Variants in SLC35B2 observed in about 807,000 individuals in gnomAD.
The protein encoded by SLC35B2 is solute carrier family 35 member B2, also known as adenosine 3'-phospho 5'-phosphosulfate transporter 1.
A neutral mutation model predicts 37.9 loss-of-function variants in SLC35B2; 19 were observed. That is an observed-to-expected ratio of 0.50 (90% CI 0.35 to 0.74). The LOEUF (loss-of-function observed/expected upper bound fraction) is 0.74, where lower values mean the gene tolerates loss of function less well. SLC35B2 is among the 30% of genes least tolerant of loss of function. SLC35B2 has a pLI of 0.01. For missense variants in SLC35B2, 633 were observed against 547.6 expected (o/e 1.16, Z -1.56); for synonymous variants, 277 against 225.2 (o/e 1.23, Z -2.06).
In SLC35B2 at chr6:44,257,389, C is replaced by A; in HGVS notation, c.11+11G>T. ...TCGGTCACGTGAGCTCGCTGCTGCC[C>A]TAGCCCCCACCTGGCGTCCATGGTC... On this transcript the variant is annotated intron_variant, in intron 1 of 3. Coordinates refer to ENST00000393812, the MANE Select transcript of SLC35B2 (RefSeq NM_178148.4). 7.8e-7 allele frequency: 1 copy of A among 1,285,516 alleles called. No individual in the cohort carries two copies. The highest frequency in any genetic ancestry group is 9.9e-7 in the Non-Finnish European group (1 of 1,009,090). The allele number at this position is 1,285,516 out of a possible 1,614,324, so 79.6% of individuals were successfully genotyped here. A position where few individuals can be genotyped will look rare whatever the true frequency, so the allele number is the denominator to read the frequency against.
At position 44,256,358 on chromosome 6, in the gene SLC35B2, CAGA is replaced by C; in HGVS notation, c.341_343del (p.Phe114del). 6.2e-7 allele frequency: 1 copy of C among 1,613,210 alleles called. No homozygotes were observed. Among genetic ancestry groups the C allele is most frequent in the Non-Finnish European group, 8.5e-7 (1 of 1,179,634 alleles). On this transcript the variant is annotated inframe_deletion, in exon 3 of 4. Transcript: ENST00000393812. ...CCTACCCACCTGGAGCCCTGTGGCACAGAAGAGCAGCTTCAGGGCCTGCCACAT... is the reference window on the plus strand; with the variant it reads ...CCTACCCACCTGGAGCCCTGTGGCACAGAGCAGCTTCAGGGCCTGCCACAT...
At chr6:44,257,314 AC>A (rs1386022379) in intron 1 of SLC35B2, 85 bp downstream of exon 1, 7 of 1,282,440 alleles carry the variant, frequency 5.5e-6, no homozygotes, top group Non-Finnish European at 6.0e-6. Context: ...AGCAGCCGGG[AC>A]CCCACCCGGC....
intron 1 of SLC35B2, 146 bp downstream of exon 1, chr6:44,257,254 C>T (rs520639): frequency 0.12 from 113,061 of 938,630 alleles, 7,457 homozygotes; most frequent in Middle Eastern, 0.18. Flanking sequence ...AACCAAGCCG[C>T]AGCTCCCATC....
chr6:44,255,653 G>T lies in SLC35B2; in HGVS notation c.361-9C>A, dbSNP rs1413559803. On this transcript the variant is annotated splice_polypyrimidine_tract_variant and intron_variant, in intron 3 of 3. Transcript: ENST00000393812. ...CAAGTCAGATAAGACACCTGTTGGG[G>T]AAGGTAGAGACAAAGGAGACAATAA... The T allele has an allele frequency of 6.2e-7, 1 of 1,605,516 alleles. No individual in the cohort carries two copies. The highest frequency in any genetic ancestry group is 1.7e-5 in the Admixed American group (1 of 59,360).
rs1781559560 is a variant in SLC35B2, at chr6:44,256,799, A to G, written c.91T>C (p.Trp31Arg). 6 of 1,614,076 alleles carry G rather than the reference A, an allele frequency of 3.7e-6. No homozygotes were observed. The highest frequency in any genetic ancestry group is 5.1e-6 in the Non-Finnish European group (6 of 1,180,022). The change falls in exon 2 of 4, where the codon TGG becomes CGG. Residue 31 changes from tryptophan (W) to arginine (R), a missense_variant. Coordinates refer to ENST00000393812, the MANE Select transcript of SLC35B2 (RefSeq NM_178148.4). Reference sequence around the variant, plus strand: ...AATCGGAAGAACCATAGCTGGGTCCATGACTCCGGAGGGGCTTCGGGAGTC... The same window carrying G: ...AATCGGAAGAACCATAGCTGGGTCCGTGACTCCGGAGGGGCTTCGGGAGTC... ...GETPEAPPES[W>R]TQLWFFRFVV...
intron 1 of SLC35B2, 181 bp downstream of exon 1, chr6:44,257,219 G>T: frequency 3.1e-6 from 2 of 653,692 alleles, no homozygotes; most frequent in Non-Finnish European, 4.5e-6. Context: ...CAGCCCCTCC[G>T]CCCGAAGCTC....
chr6:44,257,538 T>C (rs1781705281), upstream of SLC35B2: 2 of 912,628 alleles, frequency 2.2e-6, no homozygotes, highest in Admixed American at 9.2e-5. Context: ...TGCCGCGCTC[T>C]TCCCGCCTCC....
Position 44,254,403 on chromosome 6 carries a change from G to A in SLC35B2, c.*303C>T, listed in dbSNP as rs1002161394. 3 of 310,898 alleles carry A rather than the reference G, an allele frequency of 9.6e-6. No homozygotes were observed. Among genetic ancestry groups the A allele is most frequent in the African/African-American group, 2.9e-5 (1 of 34,330 alleles). The allele number at this position is 310,898 out of a possible 1,614,324, so 19.3% of individuals were successfully genotyped here. On this transcript the variant is annotated 3_prime_UTR_variant, in exon 4 of 4. Coordinates refer to ENST00000393812, the MANE Select transcript of SLC35B2 (RefSeq NM_178148.4). ...AGAGCACAGCTAGGGCAAGACTTAA[G>A]GGAACTTGTGGGAAGAGTAACTGGA...
At position 44,254,132 on chromosome 6, in the gene SLC35B2, A is replaced by G. The variant is rs1781089040; in HGVS notation, c.*574T>C. The G allele has an allele frequency of 4.6e-6, 1 of 217,468 alleles. No individual in the cohort carries two copies. The highest frequency in any genetic ancestry group is 2.4e-5 in the African/African-American group (1 of 42,470). 13.5% of individuals were successfully genotyped at this position (217,468 alleles called of 1,614,324 possible). A position where few individuals can be genotyped will look rare whatever the true frequency, so the allele number is the denominator to read the frequency against. ...GCAGTAATTTAATTTAATAAAATAA[A>G]ATTATAAGAGCAAAAAGTTACATTT... On this transcript the variant is annotated 3_prime_UTR_variant, in exon 4 of 4. Coordinates refer to ENST00000393812, the MANE Select transcript of SLC35B2 (RefSeq NM_178148.4).
chr6:44,256,079 G>T (rs560450405), intron 3 of SLC35B2, among the ~76,000 whole-genome samples: 1 of 139,090 alleles, frequency 7.2e-6, no homozygotes, highest in African/African-American at 2.7e-5. Context: ...CAGAGAATAG[G>T]GCAAGAGGAG....
Position 44,257,065 on chromosome 6 carries a change from G to T in SLC35B2, c.12-187C>A. 5.8e-6 allele frequency: 4 copies of T among 691,620 alleles called. No individual in the cohort carries two copies. In the South Asian group the frequency reaches 8.8e-5, roughly 15 times the overall value. 42.8% of individuals were successfully genotyped at this position (691,620 alleles called of 1,614,324 possible). A position where few individuals can be genotyped will look rare whatever the true frequency, so the allele number is the denominator to read the frequency against. On this transcript the variant is annotated intron_variant, in intron 1 of 3. Transcript: ENST00000393812. ...GGGGTGCGCCGGCGCTGGCCAGGCA[G>T]AGCTTCCTCCCTCCCCGGGGGCGGA...
chr6:44,254,846 C>T lies in SLC35B2; in HGVS notation c.1159G>A (p.Gly387Ser), dbSNP rs1479205432. Residue 387 changes from glycine (G) to serine (S), a missense_variant, in exon 4 of 4, where the codon GGC becomes AGC. Gly to Ser is a moderately conservative substitution (Grantham distance 56). Coordinates refer to ENST00000393812, the MANE Select transcript of SLC35B2 (RefSeq NM_178148.4). ...FAILLSCLLY[G>S]HTVTVVGGLG... ...CCTCCCACCACAGTGACAGTGTGGC[C>T]ATAGAGAAGGCAGGAAAGAAGGATG... The T allele has an allele frequency of 3.1e-6, 5 of 1,614,132 alleles. No homozygotes were observed. Among genetic ancestry groups the T allele is most frequent in the African/African-American group, 1.3e-5 (1 of 75,008 alleles).
Position 44,254,488 on chromosome 6 carries a change from C to T in SLC35B2, c.*218G>A. 3.5e-6 allele frequency: 2 copies of T among 571,050 alleles called. No homozygotes were observed. The highest frequency in any genetic ancestry group is 6.1e-6 in the Non-Finnish European group (2 of 325,280). The allele number at this position is 571,050 out of a possible 1,614,324, so 35.4% of individuals were successfully genotyped here. ...AAACCCCTCACTGAGGACTGTCTAC[C>T]CCCGGGGCTCAGAATAAACTGCTTA... On this transcript the variant is annotated 3_prime_UTR_variant, in exon 4 of 4. Transcript: ENST00000393812.
In SLC35B2 at chr6:44,256,669, C is replaced by G; in HGVS notation, c.205+16G>C. On this transcript the variant is annotated intron_variant, in intron 2 of 3. Transcript: ENST00000393812. The stretch of plus-strand genomic sequence containing the variant: ...TTTCCCGACCTAGCTCACTTCCCCG[C>G]CCTTTCTTCACACACCGGTCTCCAG... 1.2e-6 allele frequency: 2 copies of G among 1,613,974 alleles called. No individual in the cohort carries two copies. Among genetic ancestry groups the G allele is most frequent in the Non-Finnish European group, 1.7e-6 (2 of 1,179,942 alleles).
Position 44,257,407 on chromosome 6 carries a change from C to A in SLC35B2, c.4G>T (p.Asp2Tyr). The change falls in exon 1 of 4, where the codon GAC becomes TAC. Residue 2 changes from aspartate (D) to tyrosine (Y), a missense_variant. By Grantham distance (160) the Asp-to-Tyr change is radical. Coordinates refer to ENST00000393812, the MANE Select transcript of SLC35B2 (RefSeq NM_178148.4). The part of the protein sequence containing the change: M[D>Y]ARWWAVVVLA... ...TGCTGCCCTAGCCCCCACCTGGCGT[C>A]CATGGTCCAGGCCGCGTGGGGTGGA... 7.8e-7 allele frequency: 1 copy of A among 1,274,440 alleles called. No homozygotes were observed. Among genetic ancestry groups the A allele is most frequent in the African/African-American group, 1.5e-5 (1 of 65,036 alleles). 78.9% of individuals were successfully genotyped at this position (1,274,440 alleles called of 1,614,324 possible).
In SLC35B2 at chr6:44,255,144, G is replaced by A; in HGVS notation, c.861C>T (p.Asn287=). Residue 287 remains asparagine (N), a synonymous_variant, in exon 4 of 4, where the codon AAC becomes AAT. Coordinates refer to ENST00000393812, the MANE Select transcript of SLC35B2 (RefSeq NM_178148.4). ...TATAGGCAAACAGGGCATCCTGCCA[G>A]TTTGAGGTGAAGCTGTCAAAAGCAA... ...GYIAFDSFTS[N]WQDALFAYKM... is the part of the protein sequence containing the mutation. 6.2e-7 allele frequency: 1 copy of A among 1,614,244 alleles called. No individual in the cohort carries two copies. Among genetic ancestry groups the A allele is most frequent in the South Asian group, 1.1e-5 (1 of 91,092 alleles).
intron 3 of SLC35B2, 24 bp from the exon 4 acceptor site, chr6:44,255,668 G>A: frequency 6.3e-7 from 1 of 1,590,804 alleles, no homozygotes; most frequent in Non-Finnish European, 8.6e-7. Flanking sequence ...TAGAGACAAA[G>A]GAGACAATAA....
intron 3 of SLC35B2, 72 bp from the exon 4 acceptor site, chr6:44,255,716 TC>T: frequency 7.0e-7 from 1 of 1,420,062 alleles, no homozygotes; most frequent in African/African-American, 1.4e-5. Context: ...TTGACCTCTC[TC>T]TCTTCAGGAT....
chr6:44,256,922 C>A, intron 1 of SLC35B2, 44 bp from the exon 2 acceptor site: 3 of 1,557,428 alleles, frequency 1.9e-6, no homozygotes, highest in Non-Finnish European at 2.6e-6. Flanking sequence ...AGCTCCTCAT[C>A]CCCTCCGCCC....
Sources: allele counts gnomAD v4.1 joint callset (sites outside exome capture counted in the v4.1 genomes callset), GRCh38; gene constraint gnomAD v4.1.1; transcripts MANE v1.5; gene names NCBI Gene and HGNC (gene_info 2026-07-23, HGNC 2026-07-21).